Variants in SH2B3 observed in about 807,000 individuals in gnomAD.
SH2B3 encodes the protein SH2B adapter protein 3.
Under a neutral mutation model 51.9 loss-of-function variants are expected in SH2B3, and 43 were observed. The ratio of observed to expected loss-of-function variants is 0.83; its 90% confidence interval spans 0.65 to 1.07. SH2B3 has a LOEUF of 1.07. Among genes scored for constraint, SH2B3 ranks in the 50% least tolerant of loss-of-function variants. The pLI is 0.00. For synonymous variants in SH2B3, 396 were observed against 376.0 expected (o/e 1.05, Z -0.62); for missense variants, 952 against 834.3 (o/e 1.14, Z -1.74).
chr12:111,434,489 G>A (rs1872699516), intron 2 of SH2B3, among the ~76,000 whole-genome samples: 1 of 152,158 alleles, frequency 6.6e-6, no homozygotes, highest in South Asian at 2.1e-4. Flanking sequence ...TACACGGCAC[G>A]GATATTAGCT....
At chr12:111,443,468 GTAGT>G (rs1159838421) in intron 2 of SH2B3, 1 of 152,266 alleles carries the variant, frequency 6.6e-6, no homozygotes, top group Non-Finnish European at 1.5e-5. Context: ...AAGCAGCCAA[GTAGT>G]TGGTTGTGTT....
rs1874593363 is a variant in SH2B3, at chr12:111,451,559, T to C, written c.*3257T>C. On this transcript the variant is annotated 3_prime_UTR_variant, in exon 8 of 8. Transcript: ENST00000341259. ...ACTGTACAAGTAACTTATTCTTGAA[T>C]AATGCAAATTTTGCTATAATGTACA... 6.5e-6 allele frequency: 1 copy of C among 152,692 alleles called. No homozygotes were observed. The highest frequency in any genetic ancestry group is 6.5e-5 in the Admixed American group (1 of 15,288). The allele number at this position is 152,692 out of a possible 1,614,324, so 9.5% of individuals were successfully genotyped here.
In SH2B3 at chr12:111,435,329, G is replaced by A. The variant is rs1035185732; in HGVS notation, c.733-11424G>A. Among the ~76,000 whole-genome samples the A allele has an allele frequency of 6.6e-6, 1 of 152,140 alleles. No homozygotes were observed. Among genetic ancestry groups the A allele is most frequent in the Admixed American group, 6.5e-5 (1 of 15,278 alleles). ...GGGCCCCATGATACCCTCGGTGATCGTCACAGATGCGGGGCCTGGCTACAG... is the reference window on the plus strand; with the variant it reads ...GGGCCCCATGATACCCTCGGTGATCATCACAGATGCGGGGCCTGGCTACAG... On this transcript the variant is annotated intron_variant, in intron 2 of 7. Coordinates refer to ENST00000341259, the MANE Select transcript of SH2B3 (RefSeq NM_005475.3). The surrounding 1 kb of genome is among the most constrained non-coding windows in gnomAD (Gnocchi z 4.8).
In SH2B3 at chr12:111,448,264, C is replaced by A. The variant is rs774012150; in HGVS notation, c.1690C>A (p.His564Asn). ...DYEMDSSSRS[H>N]LRAIDNQYTP... ...CGAAATGGACTCATCCTCCCGGAGC[C>A]ACCTGCGGGCCATAGACAATCAGTA... Residue 564 changes from histidine to asparagine, a missense_variant, in exon 8 of 8, where the codon CAC (histidine) becomes AAC (asparagine). His to Asn is a moderately conservative substitution (Grantham distance 68). Transcript: ENST00000341259. 1 of 1,613,800 alleles carries A rather than the reference C, an allele frequency of 6.2e-7. No individual in the cohort carries two copies. Among genetic ancestry groups the A allele is most frequent in the African/African-American group, 1.3e-5 (1 of 74,906 alleles).
intron 2 of SH2B3, among the ~76,000 whole-genome samples, chr12:111,426,277 G>A (rs1297992433): frequency 6.6e-6 from 1 of 152,174 alleles, no homozygotes; most frequent in Non-Finnish European, 1.5e-5. Context: ...GGAAGGTAGG[G>A]GAAGGTTAGA....
chr12:111,414,960 G>A (rs1380369866), intron 1 of SH2B3, among the ~76,000 whole-genome samples: 2 of 152,350 alleles, frequency 1.3e-5, no homozygotes, highest in South Asian at 2.1e-4. Flanking sequence ...CAGCCAATAC[G>A]TGTCCCCCTT....
intron 2 of SH2B3, among the ~76,000 whole-genome samples, chr12:111,436,116 C>T (rs551087202): frequency 2.0e-5 from 3 of 152,164 alleles, no homozygotes; most frequent in East Asian, 1.9e-4. Context: ...GTCACTGCAG[C>T]GCAGCTCCCG....
At chr12:111,423,049 G>C (rs1366869214) in intron 2 of SH2B3, among the ~76,000 whole-genome samples, 1 of 152,164 alleles carries the variant, frequency 6.6e-6, no homozygotes, top group Non-Finnish European at 1.5e-5. Context: ...CCAGGCAGAG[G>C]GAACAGCATG....
At chr12:111,424,585 TG>T (rs1239212309) in intron 2 of SH2B3, among the ~76,000 whole-genome samples, 3 of 152,120 alleles carry the variant, frequency 2.0e-5, no homozygotes, top group Admixed American at 2.0e-4. Flanking sequence ...TAGCCCTGGC[TG>T]GCTGGGGCTC....
In SH2B3 at chr12:111,451,137, G is replaced by C. The variant is rs1874548037; in HGVS notation, c.*2835G>C. ...GTCAACTAACCTGCCTTGAATTTTA[G>C]ACCAGCAATCCATATGGCTTTATCT... On this transcript the variant is annotated 3_prime_UTR_variant, in exon 8 of 8. Transcript: ENST00000341259. 1 of 152,674 alleles carries C rather than the reference G, an allele frequency of 6.5e-6. No individual in the cohort carries two copies. 9.5% of individuals were successfully genotyped at this position (152,674 alleles called of 1,614,324 possible). A position where few individuals can be genotyped will look rare whatever the true frequency, so the allele number is the denominator to read the frequency against.
chr12:111,446,953 G>A lies in SH2B3; in HGVS notation c.846G>A (p.Arg282=), dbSNP rs1593076644. The change falls in exon 4 of 8, where the codon CGG becomes CGA. Residue 282 remains arginine, a synonymous_variant. Coordinates refer to ENST00000341259, the MANE Select transcript of SH2B3 (RefSeq NM_005475.3). The stretch of plus-strand genomic sequence containing the variant: ...TTCCTCCCTGCCAGGTGAAGGACCG[G>A]ACAGACATCATCTTTGAGGTGGGAG... ...LYTFVLKVKD[R]TDIIFEVGDE... 6.2e-7 allele frequency: 1 copy of A among 1,614,024 alleles called. No individual in the cohort carries two copies. The highest frequency in any genetic ancestry group is 2.2e-5 in the East Asian group (1 of 44,872).
rs1874493433 is a variant in SH2B3 at position 111,450,634 on chromosome 12, C to T, written c.*2332C>T. On this transcript the variant is annotated 3_prime_UTR_variant, in exon 8 of 8. Coordinates refer to ENST00000341259, the MANE Select transcript of SH2B3 (RefSeq NM_005475.3). ...ACCAGGTAGAGCAAACTTAGCAGCT[C>T]TGACTAACAGGCTGCAAAGTGCAAG... is the stretch of plus-strand genomic sequence containing the variant. 6.6e-6 allele frequency: 1 copy of T among 152,372 alleles called. No individual in the cohort carries two copies. The highest frequency in any genetic ancestry group is 1.5e-5 in the Non-Finnish European group (1 of 68,084). The allele number at this position is 152,372 out of a possible 1,614,324, so 9.4% of individuals were successfully genotyped here.
At chr12:111,415,753 C>T (rs947622661) in intron 1 of SH2B3, among the ~76,000 whole-genome samples, 8 of 151,210 alleles carry the variant, frequency 5.3e-5, no homozygotes, top group Non-Finnish European at 1.0e-4. Flanking sequence ...TCCCGAGTAG[C>T]TGGCATTACA....
intron 2 of SH2B3, among the ~76,000 whole-genome samples, chr12:111,444,394 A>C (rs1375213855): frequency 2.0e-5 from 3 of 152,174 alleles, no homozygotes; most frequent in Non-Finnish European, 2.9e-5. Context: ...TGGCCATAAC[A>C]AACAGAAGCC....
Position 111,429,003 on chromosome 12 carries a change from G to A in SH2B3, c.732+10126G>A, listed in dbSNP as rs1440426640. Among the ~76,000 whole-genome samples the A allele has an allele frequency of 2.6e-5, 4 of 151,122 alleles. No homozygotes were observed. Among genetic ancestry groups the A allele is most frequent in the African/African-American group, 4.9e-5 (2 of 41,196 alleles). On this transcript the variant is annotated intron_variant, in intron 2 of 7. Coordinates refer to ENST00000341259, the MANE Select transcript of SH2B3 (RefSeq NM_005475.3). This position sits in a 1 kb window ranked among gnomAD's most constrained non-coding sequence, Gnocchi z 4.4. ...GCCGGAGGCCTGGCGGTTTCCTCTC[G>A]GGGCAGGAGTGCGAGGAGGAGGAGG... is the stretch of plus-strand genomic sequence containing the variant.
chr12:111,430,051 C>T (rs576222610), intron 2 of SH2B3, among the ~76,000 whole-genome samples: 1 of 152,344 alleles, frequency 6.6e-6, no homozygotes, highest in Admixed American at 6.5e-5. Context: ...CCTGGGGGAC[C>T]AGCGGCAGAG....
Position 111,409,930 on chromosome 12 carries a change from G to C in SH2B3, c.-28+3653G>C, listed in dbSNP as rs938425113. Among the ~76,000 whole-genome samples the C allele has an allele frequency of 2.0e-5, 3 of 152,240 alleles. No individual in the cohort carries two copies. Among genetic ancestry groups the C allele is most frequent in the Non-Finnish European group, 4.4e-5 (3 of 68,038 alleles). ...CCCCAGCCGGAAACCCGGCAGCTGA[G>C]CAGTTAGATAGAAGATTTTTCCTCC... On this transcript the variant is annotated intron_variant, in intron 1 of 7. Transcript: ENST00000341259. The surrounding 1 kb of genome is among the most constrained non-coding windows in gnomAD (Gnocchi z 4.0).
intron 2 of SH2B3, among the ~76,000 whole-genome samples, chr12:111,420,511 G>A (rs1871457934): frequency 6.6e-6 from 1 of 152,098 alleles, no homozygotes; most frequent in Non-Finnish European, 1.5e-5. Flanking sequence ...GGACCATATG[G>A]CTTTCATCTA....
rs1235929733 is a variant in SH2B3, at chr12:111,449,086, T to C, written c.*784T>C. 6.6e-6 allele frequency: 1 copy of C among 152,590 alleles called. No homozygotes were observed. The highest frequency in any genetic ancestry group is 6.6e-5 in the Admixed American group (1 of 15,254). The allele number at this position is 152,590 out of a possible 1,614,324, so 9.5% of individuals were successfully genotyped here. On this transcript the variant is annotated 3_prime_UTR_variant, in exon 8 of 8. Coordinates refer to ENST00000341259, the MANE Select transcript of SH2B3 (RefSeq NM_005475.3). Reference sequence around the variant, plus strand: ...CTGAGTGGCCACTGTCCTTCCTAAATGTCAAGAAGTGAAGTATGTCACCCT... The same window carrying C: ...CTGAGTGGCCACTGTCCTTCCTAAACGTCAAGAAGTGAAGTATGTCACCCT...
Sources: gnomAD v4.1 joint callset for allele counts (sites outside exome capture counted in the v4.1 genomes callset) on GRCh38, gnomAD v4.1.1 for gene constraint, Gnocchi (gnomAD v3.1) non-coding constraint, MANE v1.5 for transcripts, NCBI Gene and HGNC (gene_info 2026-07-23, HGNC 2026-07-21) for gene names.